MDGA1: variants seen among roughly 807,000 people sequenced by gnomAD.
MDGA1 encodes MAM domain-containing glycosylphosphatidylinositol anchor protein 1.
MDGA1 carries 54 observed loss-of-function variants against 101.5 expected under a neutral mutation model. The ratio of observed to expected loss-of-function variants is 0.53; its 90% CI spans 0.43 to 0.67. The LOEUF is 0.67. Ranked by LOEUF, MDGA1 falls within the 30% of genes least tolerant of loss-of-function variation. The probability of loss-of-function intolerance (pLI) is 0.00; values close to 1 mark genes in which losing one functional copy is unlikely to be tolerated. For synonymous variants in MDGA1, 533 were observed against 558.3 expected, an observed-to-expected ratio of 0.95 and a Z score of 0.64; for missense variants, 1,083 against 1,323.8, an observed-to-expected ratio of 0.82 and a Z score of 2.82.
chr6:37,659,032 T>C (rs1484103317), intron 2 of MDGA1, among the ~76,000 whole-genome samples: 2 of 149,900 alleles, frequency 1.3e-5, no homozygotes, highest in African/African-American at 4.9e-5. Flanking sequence ...GAAAGCCAGC[T>C]GTCAGGTCCT....
chr6:37,644,463 A>C (rs1390354667), intron 13 of MDGA1, 34 bp downstream of exon 13: 2 of 1,504,476 alleles, frequency 1.3e-6, no homozygotes, highest in East Asian at 2.5e-5. Context: ...CCCTGAAGCA[A>C]TCCTCCATTT....
chr6:37,693,415 CATAGG>C (rs1159569533), intron 1 of MDGA1, among the ~76,000 whole-genome samples: 1 of 152,248 alleles, frequency 6.6e-6, no homozygotes, highest in Non-Finnish European at 1.5e-5. Context: ...CAAAAATTAA[CATAGG>C]ATAGTAGTTT....
chr6:37,667,284 C>A (rs967666426), intron 1 of MDGA1, among the ~76,000 whole-genome samples: 1 of 152,216 alleles, frequency 6.6e-6, no homozygotes, highest in Non-Finnish European at 1.5e-5. Flanking sequence ...ACCATCCTGC[C>A]TGCCTGGCTG....
chr6:37,644,591 G>A lies in MDGA1; in HGVS notation c.2307C>T (p.Asp769=). Residue 769 remains aspartate (D), a synonymous_variant, in exon 13 of 17, where the codon GAC becomes GAT. Coordinates refer to ENST00000434837, the MANE Select transcript of MDGA1 (RefSeq NM_153487.4). ...KICGYTQDLT[D]NFDWTRQNAL... Reference sequence around the variant, plus strand: ...CATTCTGCCGCGTCCAGTCAAAGTTGTCTGTCAGGTCCTGGGTATAGCCAC... The same window carrying A: ...CATTCTGCCGCGTCCAGTCAAAGTTATCTGTCAGGTCCTGGGTATAGCCAC... 2 of 1,609,414 alleles carry A rather than the reference G, an allele frequency of 1.2e-6. No homozygotes were observed. Among genetic ancestry groups the A allele is most frequent in the Non-Finnish European group, 1.7e-6 (2 of 1,177,854 alleles).
chr6:37,665,822 T>C (rs959410023), intron 1 of MDGA1, among the ~76,000 whole-genome samples: 2 of 152,244 alleles, frequency 1.3e-5, no homozygotes, highest in African/African-American at 4.8e-5. Flanking sequence ...AAAGTGAACA[T>C]GAGACGCATG....
rs531942614 is a variant in MDGA1, at chr6:37,663,137, T to C, written c.207+830A>G. On this transcript the variant is annotated intron_variant, in intron 2 of 16. Transcript: ENST00000434837. Reference sequence around the variant, plus strand: ...TCACCCTTTCTGTTGCTATTAAAGGTCACAGTAGCTCACCAGCAAATTCCT... The same window carrying C: ...TCACCCTTTCTGTTGCTATTAAAGGCCACAGTAGCTCACCAGCAAATTCCT... Among the ~76,000 whole-genome samples, 9 of 152,260 alleles carry C rather than the reference T, an allele frequency of 5.9e-5. No homozygotes were observed. The South Asian group carries it at 1.9e-3, about 32-fold the overall frequency.
At chr6:37,656,964 A>T (rs1761502988) in intron 3 of MDGA1, among the ~76,000 whole-genome samples, 1 of 152,104 alleles carries the variant, frequency 6.6e-6, no homozygotes, top group Admixed American at 6.6e-5. Context: ...GAGCTCATTG[A>T]TAGTGTCAAA....
chr6:37,654,163 T>A lies in MDGA1; in HGVS notation c.982+111A>T, dbSNP rs1325324767. 5 of 1,271,340 alleles carry A rather than the reference T, an allele frequency of 3.9e-6. No individual in the cohort carries two copies. In the African/African-American group the frequency reaches 7.6e-5, roughly 19 times the overall value. 78.8% of individuals were successfully genotyped at this position (1,271,340 alleles called of 1,614,324 possible). A position where few individuals can be genotyped will look rare whatever the true frequency, so the allele number is the denominator to read the frequency against. ...CGTGGAACATCCTCTGCATGACTCA[T>A]CTACCAAGGAGAAGCAGACAGGCCC... is the stretch of plus-strand genomic sequence containing the variant. On this transcript the variant is annotated intron_variant, in intron 6 of 16. Transcript: ENST00000434837.
In MDGA1 at chr6:37,650,307, G is replaced by C; in HGVS notation, c.1411C>G (p.Pro471Ala). 6.3e-7 allele frequency: 1 copy of C among 1,595,168 alleles called. No individual in the cohort carries two copies. The highest frequency in any genetic ancestry group is 1.1e-5 in the South Asian group (1 of 88,884). Reference protein sequence around the residue: ...LQCEVRGKPRPPVLWSRVDKE... With the variant: ...LQCEVRGKPRAPVLWSRVDKE... Reference sequence around the variant, plus strand: ...TCCACGCGGGACCAGAGCACTGGCGGCCGCGGCTTGCCCCGCACCTCGCAT... The same window carrying C: ...TCCACGCGGGACCAGAGCACTGGCGCCCGCGGCTTGCCCCGCACCTCGCAT... The change falls in exon 8 of 17, where the codon CCG becomes GCG. Residue 471 changes from proline to alanine, a missense_variant. By Grantham distance (27) the Pro-to-Ala change is conservative (BLOSUM62 -1). Transcript: ENST00000434837.
At chr6:37,662,745 A>C (rs1344741089) in intron 2 of MDGA1, among the ~76,000 whole-genome samples, 2 of 152,180 alleles carry the variant, frequency 1.3e-5, no homozygotes, top group Non-Finnish European at 2.9e-5. Flanking sequence ...GAACGAATGA[A>C]ACCACTGATG....
chr6:37,668,487 A>G (rs549487322), intron 1 of MDGA1, among the ~76,000 whole-genome samples: 1 of 152,346 alleles, frequency 6.6e-6, no homozygotes, highest in South Asian at 2.1e-4. Flanking sequence ...TGCAATTGCT[A>G]AAAACAAGAA....
intron 2 of MDGA1, among the ~76,000 whole-genome samples, chr6:37,662,426 G>A (rs1176421416): frequency 6.6e-6 from 1 of 151,986 alleles, no homozygotes; most frequent in Non-Finnish European, 1.5e-5. Flanking sequence ...CTTGAAGCCA[G>A]GAGTTCAAGA....
chr6:37,669,004 C>A (rs376792463), intron 1 of MDGA1, among the ~76,000 whole-genome samples: 3 of 152,256 alleles, frequency 2.0e-5, no homozygotes, highest in South Asian at 4.2e-4. Context: ...TCTGCCACCA[C>A]GCCCAGGTAA....
Position 37,646,342 on chromosome 6 carries a change from G to C in MDGA1, c.2080C>G (p.Pro694Ala), listed in dbSNP as rs778770460. 5 of 1,570,754 alleles carry C rather than the reference G, an allele frequency of 3.2e-6. No individual in the cohort carries two copies. The highest frequency in any genetic ancestry group is 4.3e-6 in the Non-Finnish European group (5 of 1,157,404). The stretch of plus-strand genomic sequence containing the variant: ...TGCCCCTTCTCCACACGCCGGACCG[G>C]GATGGCCTTGACCACCGCATTGTGC... ...NQHNAVVKAI[P>A]VRRVEKGQLL... The change falls in exon 11 of 17, where the codon CCG becomes GCG. Residue 694 changes from proline (P) to alanine (A), a missense_variant. By Grantham distance (27) the Pro-to-Ala change is conservative. Coordinates refer to ENST00000434837, the MANE Select transcript of MDGA1 (RefSeq NM_153487.4).
At chr6:37,643,638 C>T (rs1764145486) in intron 14 of MDGA1, among the ~76,000 whole-genome samples, 171 bp downstream of exon 14, 1 of 152,192 alleles carries the variant, frequency 6.6e-6, no homozygotes, top group Non-Finnish European at 1.5e-5. Context: ...GACAAGCTGG[C>T]TTTCAACTCC....
At chr6:37,690,266 C>T (rs1413546448) in intron 1 of MDGA1, among the ~76,000 whole-genome samples, 10 of 152,246 alleles carry the variant, frequency 6.6e-5, no homozygotes, top group Admixed American at 1.3e-4. Context: ...TCCTCCCACA[C>T]ACAGCGGCAT....
chr6:37,637,634 G>A (rs780844728), intron 16 of MDGA1, among the ~76,000 whole-genome samples, 175 bp from the exon 17 acceptor site: 9 of 152,144 alleles, frequency 5.9e-5, no homozygotes, highest in Non-Finnish European at 1.2e-4. Flanking sequence ...GGTGGCGTGG[G>A]GTGGGGTGGG....
rs775824107 is a variant in MDGA1 at position 37,650,150 on chromosome 6, T to C, written c.1568A>G (p.Asn523Ser). 9 of 1,609,134 alleles carry C rather than the reference T, an allele frequency of 5.6e-6. No homozygotes were observed. The highest frequency in any genetic ancestry group is 1.3e-5 in the African/African-American group (1 of 74,956). Residue 523 changes from asparagine (N) to serine (S), a missense_variant, in exon 8 of 17, where the codon AAC (asparagine) becomes AGC (serine). Coordinates refer to ENST00000434837, the MANE Select transcript of MDGA1 (RefSeq NM_153487.4). ...RCQTARYNGF[N>S]VRPREAQVQL... ...CACCTGGGCCTCACGGGGGCGCACG[T>C]TGAAGCCATTATAGCGGGCCGTCTG...
Position 37,654,362 on chromosome 6 carries a change from C to T in MDGA1, c.894G>A (p.Val298=). The stretch of plus-strand genomic sequence containing the variant: ...TGTAGTAGCCAGAGTCCCGGGCCTG[C>T]ACTGAAGGGATGCTGAGGGTGCCAC... ...AQGGTLSIPS[V]QARDSGYYNC... The change falls in exon 6 of 17, where the codon GTG becomes GTA. Residue 298 remains valine, a synonymous_variant. Transcript: ENST00000434837. The T allele has an allele frequency of 6.2e-7, 1 of 1,612,748 alleles. No homozygotes were observed. Among genetic ancestry groups the T allele is most frequent in the Non-Finnish European group, 8.5e-7 (1 of 1,179,294 alleles).
Sources: allele counts gnomAD v4.1 joint callset (sites outside exome capture counted in the v4.1 genomes callset), GRCh38; gene constraint gnomAD v4.1.1; transcripts MANE v1.5; gene names NCBI Gene and HGNC (gene_info 2026-07-23, HGNC 2026-07-21).